SMOC2: variants seen among roughly 807,000 people sequenced by gnomAD.
SMOC2 encodes SPARC related modular calcium binding 2.
A neutral mutation model predicts 61.4 loss-of-function variants in SMOC2; 39 were observed. The observed-to-expected ratio is 0.64, with a 90% confidence interval of 0.49 to 0.83. The LOEUF is 0.83. SMOC2 is among the 40% of genes least tolerant of loss of function. The pLI is 0.00. For missense variants in SMOC2, 556 were observed against 592.9 expected (o/e 0.94, Z 0.65); for synonymous variants, 247 against 239.9 (o/e 1.03, Z -0.27).
At chr6:168,559,615 G>A (rs1165906802) in intron 7 of SMOC2, among the ~76,000 whole-genome samples, 2 of 152,112 alleles carry the variant, frequency 1.3e-5, no homozygotes, top group African/African-American at 4.8e-5. Flanking sequence ...CCCTTTGGGA[G>A]ATGACTCATG....
chr6:168,661,533 T>G (rs1787508803), intron 11 of SMOC2, among the ~76,000 whole-genome samples: 1 of 152,090 alleles, frequency 6.6e-6, no homozygotes, highest in Non-Finnish European at 1.5e-5. Context: ...ACCAGGGAGT[T>G]GGAGGTTGCA....
chr6:168,608,078 C>A, intron 8 of SMOC2, 79 bp from the exon 9 acceptor site: 1 of 1,375,014 alleles, frequency 7.3e-7, no homozygotes, highest in Non-Finnish European at 1.0e-6. Flanking sequence ...TAGGACACTC[C>A]AGAAATGGAA....
At chr6:168,562,852 A>G (rs1402159065) in intron 7 of SMOC2, among the ~76,000 whole-genome samples, 1 of 152,148 alleles carries the variant, frequency 6.6e-6, no homozygotes, top group Admixed American at 6.5e-5. Context: ...TCCAGGCCGT[A>G]TTTTCACGGA....
chr6:168,515,601 T>TCGCCCGAGGGGCCGGC (rs539175802), intron 2 of SMOC2, among the ~76,000 whole-genome samples: 3 of 152,178 alleles, frequency 2.0e-5, no homozygotes, highest in Admixed American at 6.5e-5. Context: ...AAGACGGGCC[T>TCGCCCGAGGGGCCGGC]TGCCCTGAGC....
chr6:168,520,112 G>A (rs1783294060), intron 2 of SMOC2, among the ~76,000 whole-genome samples: 1 of 152,176 alleles, frequency 6.6e-6, no homozygotes, highest in Non-Finnish European at 1.5e-5. Context: ...TGCTGCTTTT[G>A]CTGGCCAAGG....
At chr6:168,516,109 G>A (rs1022179172) in intron 2 of SMOC2, among the ~76,000 whole-genome samples, 2 of 152,092 alleles carry the variant, frequency 1.3e-5, no homozygotes, top group Non-Finnish European at 2.9e-5. Flanking sequence ...TCTTTTGGAT[G>A]TACTATTTGG....
At chr6:168,616,379 A>C (rs7751017) in intron 9 of SMOC2, among the ~76,000 whole-genome samples, 1 of 152,122 alleles carries the variant, frequency 6.6e-6, no homozygotes, top group East Asian at 1.9e-4. Flanking sequence ...AGGCTGGGAC[A>C]AGGACTGGGT....
chr6:168,529,030 T>C (rs555777547), intron 4 of SMOC2, among the ~76,000 whole-genome samples: 4 of 152,286 alleles, frequency 2.6e-5, no homozygotes, highest in African/African-American at 9.6e-5. Flanking sequence ...TTTAGTGATA[T>C]CATCTGATAA....
chr6:168,626,195 G>T (rs981615983), intron 9 of SMOC2, among the ~76,000 whole-genome samples: 5 of 152,142 alleles, frequency 3.3e-5, no homozygotes, highest in African/African-American at 1.2e-4. Context: ...TTACTTTTAG[G>T]TTATGCGAGA....
At chr6:168,582,981 G>A (rs370534495) in intron 7 of SMOC2, among the ~76,000 whole-genome samples, 1 of 151,492 alleles carries the variant, frequency 6.6e-6, no homozygotes, top group Admixed American at 6.6e-5. Context: ...CGCCAGACTC[G>A]TCCAGGCTCC....
chr6:168,446,798 T>A (rs1398449588), intron 1 of SMOC2, among the ~76,000 whole-genome samples: 2 of 152,218 alleles, frequency 1.3e-5, no homozygotes, highest in Non-Finnish European at 1.5e-5. Flanking sequence ...AAATCACATT[T>A]ATATGTTTAG....
intron 1 of SMOC2, among the ~76,000 whole-genome samples, chr6:168,499,852 A>G (rs900913349): frequency 2.6e-5 from 4 of 152,166 alleles, no homozygotes; most frequent in African/African-American, 9.7e-5. Flanking sequence ...TGAGTTAATT[A>G]ATCACTCTGT....
intron 1 of SMOC2, among the ~76,000 whole-genome samples, chr6:168,458,511 T>G (rs1301595556): frequency 6.6e-6 from 1 of 152,192 alleles, no homozygotes. Context: ...AAATGGGAAG[T>G]GCAGCCTCTT....
intron 1 of SMOC2, among the ~76,000 whole-genome samples, chr6:168,498,265 T>C (rs1782639689): frequency 1.3e-5 from 2 of 152,230 alleles, no homozygotes; most frequent in African/African-American, 2.4e-5. Flanking sequence ...GTTACTCTCA[T>C]ATTCTGTAAC....
chr6:168,509,792 G>A lies in SMOC2; in HGVS notation c.85-123G>A. On this transcript the variant is annotated intron_variant, in intron 1 of 12. Transcript: ENST00000356284. ...GCGCTTCTGGCAGGGGTGAGAACCG[G>A]GTGGTGTTATCCCTCAAGCTTTCAT... 9 of 842,950 alleles carry A rather than the reference G, an allele frequency of 1.1e-5. No individual in the cohort carries two copies. In the South Asian group the frequency reaches 1.9e-4, roughly 18 times the overall value. The allele number at this position is 842,950 out of a possible 1,614,324, so 52.2% of individuals were successfully genotyped here.
In SMOC2 at chr6:168,527,690, C is replaced by A. The variant is rs376510048; in HGVS notation, c.426C>A (p.Ser142Arg). 6.4e-7 allele frequency: 1 copy of A among 1,552,192 alleles called. No homozygotes were observed. The highest frequency in any genetic ancestry group is 8.7e-7 in the Non-Finnish European group (1 of 1,147,464). ...TCACGCCCAACGGGAGGCCCATCAG[C>A]GGCACTGCCGTGGCCCACAAGACGC... Reference protein sequence around the residue: ...WCVTPNGRPISGTAVAHKTPR... With the variant: ...WCVTPNGRPIRGTAVAHKTPR... Residue 142 changes from serine (S) to arginine (R), a missense_variant, in exon 4 of 13, where the codon AGC (serine) becomes AGA (arginine). Ser to Arg is a moderately radical substitution (Grantham distance 110). Coordinates refer to ENST00000356284, the MANE Select transcript of SMOC2 (RefSeq NM_001166412.2).
At chr6:168,606,549 T>A (rs1285385502) in intron 8 of SMOC2, among the ~76,000 whole-genome samples, 1 of 152,132 alleles carries the variant, frequency 6.6e-6, no homozygotes, top group Non-Finnish European at 1.5e-5. Flanking sequence ...ACTTTAAATA[T>A]GTCCCTTTAG....
intron 7 of SMOC2, among the ~76,000 whole-genome samples, chr6:168,552,208 A>G (rs1784143703): frequency 6.6e-6 from 1 of 152,226 alleles, no homozygotes; most frequent in Non-Finnish European, 1.5e-5. Flanking sequence ...AGTTTTAACA[A>G]TGAAATGACA....
chr6:168,479,868 G>A (rs567264017), intron 1 of SMOC2, among the ~76,000 whole-genome samples: 9 of 152,202 alleles, frequency 5.9e-5, no homozygotes, highest in Admixed American at 2.0e-4. Context: ...TATTTAAAAG[G>A]CTGGCACACT....
Sources: gnomAD v4.1 joint callset for allele counts (sites outside exome capture counted in the v4.1 genomes callset) on GRCh38, gnomAD v4.1.1 for gene constraint, MANE v1.5 for transcripts, NCBI Gene and HGNC (gene_info 2026-07-23, HGNC 2026-07-21) for gene names.